The following NBEAL1 variants were observed in gnomAD, a reference collection of about 807,000 sequenced individuals.
NBEAL1 encodes neurobeachin-like protein 1.
NBEAL1 carries 273 observed loss-of-function variants against 351.3 expected under a neutral mutation model. The observed-to-expected ratio is 0.78, with a 90% CI of 0.70 to 0.86. The LOEUF (loss-of-function observed/expected upper bound fraction) is 0.86. Among genes scored for constraint, NBEAL1 ranks in the 40% least tolerant of loss-of-function variants. The probability of loss-of-function intolerance (pLI) is 0.00; values close to 1 mark genes in which losing one functional copy is unlikely to be tolerated. For missense variants in NBEAL1, 2,961 were observed against 3,201.3 expected (o/e 0.92, Z 1.81); for synonymous variants, 1,050 against 1,086.4 (o/e 0.97, Z 0.66).
intron 53 of NBEAL1, among the ~76,000 whole-genome samples, chr2:203,210,407 A>T (rs1483221179): frequency 6.6e-6 from 1 of 150,944 alleles, no homozygotes; most frequent in East Asian, 2.0e-4. Context: ...CACGCCTGTA[A>T]TGCCAGCACT....
chr2:203,161,691 A>G (rs1030442087), intron 36 of NBEAL1, among the ~76,000 whole-genome samples: 24 of 151,254 alleles, frequency 1.6e-4, no homozygotes, highest in Non-Finnish European at 1.5e-4. Flanking sequence ...AAAAGCCAGC[A>G]TGGTGGTGGT....
intron 44 of NBEAL1, among the ~76,000 whole-genome samples, chr2:203,187,585 CA>C (rs1307898892): frequency 6.6e-6 from 1 of 151,030 alleles, no homozygotes; most frequent in African/African-American, 2.4e-5. Context: ...ACTAAAAATA[CA>C]AAAAATTAGC....
chr2:203,027,447 G>A (rs551906193), intron 2 of NBEAL1, among the ~76,000 whole-genome samples: 5 of 151,972 alleles, frequency 3.3e-5, no homozygotes, highest in Non-Finnish European at 4.4e-5. Flanking sequence ...AAGATTAAAT[G>A]ATATACCCAT....
chr2:203,074,317 C>CTTT (rs56217945), intron 7 of NBEAL1, among the ~76,000 whole-genome samples: 366 of 98,274 alleles, frequency 3.7e-3, no homozygotes, highest in African/African-American at 5.5e-3. Flanking sequence ...TTTCTTTCTT[C>CTTT]TTTTTTTTTT....
At chr2:203,128,853 C>T (rs1456936678) in intron 24 of NBEAL1, among the ~76,000 whole-genome samples, 2 of 152,168 alleles carry the variant, frequency 1.3e-5, no homozygotes, top group Admixed American at 6.5e-5. Context: ...GCCTCGGCCT[C>T]CCAAAGTGCT....
chr2:203,217,126 C>G, intron 55 of NBEAL1, 127 bp from the exon 56 acceptor site: 1 of 652,020 alleles, frequency 1.5e-6, no homozygotes. Flanking sequence ...TATTGATAAC[C>G]TTTAAAGTGT....
chr2:203,026,285 A>T (rs1038607647), intron 2 of NBEAL1, among the ~76,000 whole-genome samples: 5 of 151,782 alleles, frequency 3.3e-5, no homozygotes, highest in African/African-American at 4.8e-5. Flanking sequence ...TACCTTATTC[A>T]TTTTTTTCTA....
intron 7 of NBEAL1, among the ~76,000 whole-genome samples, 188 bp downstream of exon 7, chr2:203,068,663 T>A (rs2061632534): frequency 6.6e-6 from 1 of 152,212 alleles, no homozygotes; most frequent in African/African-American, 2.4e-5. Flanking sequence ...TTTATTTAAT[T>A]TGCTGTTCTC....
At chr2:203,077,510 A>G (rs1402391176) in intron 7 of NBEAL1, among the ~76,000 whole-genome samples, 1 of 152,222 alleles carries the variant, frequency 6.6e-6, no homozygotes, top group Non-Finnish European at 1.5e-5. Flanking sequence ...ATGGGGGCCA[A>G]ATATCATCCT....
At chr2:203,082,285 C>G (rs2061887678) in intron 8 of NBEAL1, among the ~76,000 whole-genome samples, 1 of 152,074 alleles carries the variant, frequency 6.6e-6, no homozygotes, top group Non-Finnish European at 1.5e-5. Context: ...GCCATGTGTT[C>G]AGGAAAACAT....
rs910369893 is a variant in NBEAL1, at chr2:203,222,678, C to T, written c.*5324C>T. ...TTAGTTCCTGGTGACTTTCAGTGAA[C>T]GTTTTGCAAACTTGAATTAGGCAAC... On this transcript the variant is annotated 3_prime_UTR_variant, in exon 56 of 56. Transcript: ENST00000683969. Among the ~76,000 whole-genome samples, 7 of 152,106 alleles carry T rather than the reference C, an allele frequency of 4.6e-5. No homozygotes were observed. The highest frequency in any genetic ancestry group is 1.3e-4 in the Admixed American group (2 of 15,272).
intron 4 of NBEAL1, 84 bp from the exon 5 acceptor site, chr2:203,056,343 G>A: frequency 1.3e-6 from 1 of 754,770 alleles, no homozygotes; most frequent in South Asian, 1.5e-5. Context: ...GCCAGCATGT[G>A]TTCTCATAAT....
intron 31 of NBEAL1, among the ~76,000 whole-genome samples, chr2:203,139,647 C>G (rs1428822114): frequency 7.4e-6 from 1 of 134,864 alleles, no homozygotes; most frequent in Non-Finnish European, 1.5e-5. Context: ...TCACTGTAAC[C>G]TCCACCTCCC....
chr2:203,030,631 A>G (rs1474761208), intron 2 of NBEAL1, among the ~76,000 whole-genome samples: 1 of 152,192 alleles, frequency 6.6e-6, no homozygotes, highest in Non-Finnish European at 1.5e-5. Flanking sequence ...TCCTCCCTCC[A>G]CTAGGACTTC....
chr2:203,183,214 G>A (rs2064783739), intron 43 of NBEAL1, 65 bp from the exon 44 acceptor site: 4 of 893,590 alleles, frequency 4.5e-6, no homozygotes, highest in Non-Finnish European at 7.0e-6. Flanking sequence ...CCTCATTAGT[G>A]TTTGTTTTAC....
chr2:203,059,984 T>C (rs1052479449), intron 6 of NBEAL1, among the ~76,000 whole-genome samples: 1 of 152,182 alleles, frequency 6.6e-6, no homozygotes, highest in African/African-American at 2.4e-5. Context: ...GGAAAGTATA[T>C]CTCCTCCTCT....
At chr2:203,041,459 C>T (rs1242301161) in intron 2 of NBEAL1, among the ~76,000 whole-genome samples, 1 of 152,100 alleles carries the variant, frequency 6.6e-6, no homozygotes, top group Non-Finnish European at 1.5e-5. Context: ...TCTGGCATGT[C>T]CCAGGAAACA....
At chr2:203,030,795 G>A (rs1278086977) in intron 2 of NBEAL1, among the ~76,000 whole-genome samples, 1 of 152,140 alleles carries the variant, frequency 6.6e-6, no homozygotes, top group African/African-American at 2.4e-5. Flanking sequence ...GGGAGACTGA[G>A]ATGAAAGGAT....
intron 41 of NBEAL1, among the ~76,000 whole-genome samples, chr2:203,173,766 T>C (rs2064396569): frequency 2.0e-5 from 3 of 152,084 alleles, no homozygotes; most frequent in Admixed American, 2.0e-4. Flanking sequence ...TAATTAAAGA[T>C]ACAAGTTGTT....
Sources: gnomAD v4.1 joint callset for allele counts (sites outside exome capture counted in the v4.1 genomes callset) on GRCh38, gnomAD v4.1.1 for gene constraint, MANE v1.5 for transcripts, NCBI Gene and HGNC (gene_info 2026-07-23, HGNC 2026-07-21) for gene names.